The following AGMO variants were observed in gnomAD, a reference collection of about 807,000 sequenced individuals.
AGMO encodes glyceryl-ether monooxygenase.
A neutral mutation model predicts 60.2 loss-of-function variants in AGMO; 75 were observed. The ratio of observed to expected loss-of-function variants is 1.25; its 90% CI spans 1.03 to 1.51. AGMO has a LOEUF of 1.51. Among genes scored for constraint, AGMO ranks in the 40% most tolerant of loss-of-function variants. The probability of loss-of-function intolerance (pLI) is 0.00; values close to 1 mark genes in which losing one functional copy is unlikely to be tolerated. For missense variants in AGMO, 763 were observed against 525.5 expected (o/e 1.45, Z -4.42); for synonymous variants, 261 against 177.1 (o/e 1.47, Z -3.76).
downstream of AGMO, among the ~76,000 whole-genome samples, chr7:15,200,058 T>C (rs1019329627): frequency 6.6e-6 from 1 of 152,200 alleles, no homozygotes; most frequent in African/African-American, 2.4e-5. Flanking sequence ...CAGTGATACA[T>C]AGGCAAAGCT....
intron 4 of AGMO, among the ~76,000 whole-genome samples, chr7:15,426,490 T>C (rs1032838464): frequency 2.0e-5 from 3 of 152,150 alleles, no homozygotes; most frequent in African/African-American, 7.2e-5. Context: ...GGCTCATGCT[T>C]ATAATCCCAC....
intron 12 of AGMO, among the ~76,000 whole-genome samples, chr7:15,319,308 G>C (rs1178248216): frequency 6.6e-6 from 1 of 152,152 alleles, no homozygotes; most frequent in African/African-American, 2.4e-5. Context: ...AGAGAGGTGA[G>C]TTCAACTTTC....
chr7:15,387,276 A>G (rs1360132152), intron 9 of AGMO, 130 bp downstream of exon 9: 1 of 1,068,720 alleles, frequency 9.4e-7, no homozygotes, highest in African/African-American at 1.6e-5. Context: ...GTTATGCACC[A>G]CAGGACTGCA....
At chr7:15,442,253 T>C (rs1159428955) in intron 3 of AGMO, among the ~76,000 whole-genome samples, 1 of 152,214 alleles carries the variant, frequency 6.6e-6, no homozygotes, top group Non-Finnish European at 1.5e-5. Flanking sequence ...ACTCTATTAT[T>C]ACCAATTATA....
intron 12 of AGMO, among the ~76,000 whole-genome samples, chr7:15,343,800 G>T (rs961856628): frequency 1.3e-5 from 2 of 152,056 alleles, no homozygotes; most frequent in African/African-American, 4.8e-5. Context: ...TCACAGAAAG[G>T]GAAGCAGAGA....
At chr7:15,308,649 A>C (rs1224494449) in intron 12 of AGMO, among the ~76,000 whole-genome samples, 3 of 152,192 alleles carry the variant, frequency 2.0e-5, no homozygotes, top group Non-Finnish European at 2.9e-5. Flanking sequence ...ATGTTAAACA[A>C]TGAAACCACT....
the AGMO span, among the ~76,000 whole-genome samples, chr7:15,194,604 C>T: frequency 6.6e-6 from 1 of 152,090 alleles, no homozygotes; most frequent in Admixed American, 6.6e-5. Context: ...TGATCTTCCC[C>T]CACCCTGTGA....
intron 12 of AGMO, among the ~76,000 whole-genome samples, chr7:15,309,508 C>T (rs1005017811): frequency 2.0e-5 from 3 of 152,036 alleles, no homozygotes; most frequent in Non-Finnish European, 2.9e-5. Flanking sequence ...CCCTAAGCGT[C>T]AACATAAGAT....
chr7:15,465,027 T>C (rs1782242122), intron 3 of AGMO, among the ~76,000 whole-genome samples: 1 of 152,132 alleles, frequency 6.6e-6, no homozygotes, highest in Non-Finnish European at 1.5e-5. Flanking sequence ...TTTTCTGTAA[T>C]TAGAGAAAGT....
At chr7:15,263,481 ATAG>A (rs1198543518) in intron 12 of AGMO, among the ~76,000 whole-genome samples, 1 of 152,038 alleles carries the variant, frequency 6.6e-6, no homozygotes, top group African/African-American at 2.4e-5. Flanking sequence ...GGAATGTAAA[ATAG>A]TAAAACCACT....
chr7:15,543,624 A>G (rs1025625189), intron 3 of AGMO, among the ~76,000 whole-genome samples: 2 of 152,102 alleles, frequency 1.3e-5, no homozygotes, highest in East Asian at 1.9e-4. Context: ...ATGACCCTCA[A>G]TAATTGTGCT....
At chr7:15,395,702 A>C (rs975648715) in intron 5 of AGMO, among the ~76,000 whole-genome samples, 1 of 152,224 alleles carries the variant, frequency 6.6e-6, no homozygotes, top group African/African-American at 2.4e-5. Context: ...TAATTTTATG[A>C]ATGTTTGAAA....
At chr7:15,269,707 G>T (rs1271316462) in intron 12 of AGMO, among the ~76,000 whole-genome samples, 2 of 151,986 alleles carry the variant, frequency 1.3e-5, no homozygotes, top group African/African-American at 2.4e-5. Context: ...GTATCCGTCA[G>T]CCAAGTAGTG....
intron 10 of AGMO, among the ~76,000 whole-genome samples, chr7:15,380,528 A>G (rs1783636889): frequency 6.6e-6 from 1 of 152,188 alleles, no homozygotes; most frequent in Non-Finnish European, 1.5e-5. Flanking sequence ...AAACAACTGG[A>G]AAGCCATTCC....
At chr7:15,126,360 T>C in the AGMO span, among the ~76,000 whole-genome samples, 5 of 152,252 alleles carry the variant, frequency 3.3e-5, no homozygotes, top group South Asian at 1.0e-3. Context: ...CAAATTTATA[T>C]GAATCATAGA....
chr7:15,330,588 G>A (rs765341938), intron 12 of AGMO, among the ~76,000 whole-genome samples: 3 of 152,124 alleles, frequency 2.0e-5, no homozygotes, highest in Non-Finnish European at 4.4e-5. Context: ...ACCTTTGAGC[G>A]ATTTGAGTAT....
intron 3 of AGMO, among the ~76,000 whole-genome samples, chr7:15,462,031 G>T (rs1339888461): frequency 6.6e-6 from 1 of 150,386 alleles, no homozygotes; most frequent in Admixed American, 6.7e-5. Context: ...AGGATATTAA[G>T]TGGGACCCAG....
At chr7:15,224,776 T>C (rs1361140987) in intron 12 of AGMO, among the ~76,000 whole-genome samples, 1 of 152,066 alleles carries the variant, frequency 6.6e-6, no homozygotes, top group Non-Finnish European at 1.5e-5. Context: ...TATAAAATTA[T>C]GGTTTGGGCC....
intron 12 of AGMO, among the ~76,000 whole-genome samples, chr7:15,232,937 G>T (rs1314522737): frequency 6.6e-6 from 1 of 151,988 alleles, no homozygotes; most frequent in Non-Finnish European, 1.5e-5. Flanking sequence ...GAAAAAGAAT[G>T]AAGAAGTTCT....
Sources: gnomAD v4.1 joint callset for allele counts (sites outside exome capture counted in the v4.1 genomes callset) on GRCh38, gnomAD v4.1.1 for gene constraint, MANE v1.5 for transcripts, NCBI Gene and HGNC (gene_info 2026-07-23, HGNC 2026-07-21) for gene names.